Variants in MAVS observed in about 807,000 individuals in gnomAD.
The protein encoded by MAVS is mitochondrial antiviral-signaling protein.
In MAVS, 20 loss-of-function variants were observed where a neutral mutation model predicts 30.2. The ratio of observed to expected loss-of-function variants is 0.66; its 90% CI spans 0.47 to 0.96. The LOEUF is 0.96. MAVS is among the 40% of genes least tolerant of loss of function. The probability of loss-of-function intolerance (pLI) is 0.00; values close to 1 mark genes in which losing one functional copy is unlikely to be tolerated. For synonymous variants in MAVS, 278 were observed against 293.9 expected, an observed-to-expected ratio of 0.95 and a Z score of 0.55; for missense variants, 624 against 701.1, an observed-to-expected ratio of 0.89 and a Z score of 1.24.
Position 3,864,396 on chromosome 20 carries a change from TCCTCATCCCCTGGCTTGG to T in MAVS, c.771_788del (p.Ser258_Ser263del). On this transcript the variant is annotated inframe_deletion, in exon 6 of 7. Coordinates refer to ENST00000428216, the MANE Select transcript of MAVS (RefSeq NM_020746.5). ...TGTATCTACTGGCACCTCCTTCTCC[TCCTCATCCCCTGGCTTGG>T]CCTCTGCAGGGGCTGCAGAGGGTAA... 1 of 1,614,028 alleles carries T rather than the reference TCCTCATCCCCTGGCTTGG, an allele frequency of 6.2e-7. No homozygotes were observed. The highest frequency in any genetic ancestry group is 8.5e-7 in the Non-Finnish European group (1 of 1,179,996).
chr20:3,865,544 G>T lies in MAVS; in HGVS notation c.1159-139G>T. On this transcript the variant is annotated intron_variant, in intron 6 of 6. Transcript: ENST00000428216. The surrounding 1 kb of genome is among the most constrained non-coding windows in gnomAD (Gnocchi z 4.7). ...CTCTACCCCCACTGCTCCAAGAAAA[G>T]GTGGCCTAGGGGCATTATAGATTGG... 1.3e-6 allele frequency: 1 copy of T among 776,086 alleles called. No individual in the cohort carries two copies. The highest frequency in any genetic ancestry group is 2.0e-6 in the Non-Finnish European group (1 of 495,550). The allele number at this position is 776,086 out of a possible 1,614,324, so 48.1% of individuals were successfully genotyped here.
intron 2 of MAVS, 30 bp downstream of exon 2, chr20:3,854,771 G>T (rs1341488392): frequency 6.7e-7 from 1 of 1,500,788 alleles, no homozygotes; most frequent in Admixed American, 1.7e-5. Context: ...GCCCGACACT[G>T]GCCTGGGGGC....
chr20:3,865,859 C>G lies in MAVS; in HGVS notation c.1335C>G (p.Thr445=), dbSNP rs759447000. The stretch of plus-strand genomic sequence containing the variant: ...AGGATCTTGCCATCAGTGCCAGCAC[C>G]TCCTTGGGCATGGGGCCCTGCCATG... ...CFEDLAISAS[T]SLGMGPCHGP... Residue 445 remains threonine (T), a synonymous_variant, in exon 7 of 7, where the codon ACC becomes ACG. Transcript: ENST00000428216. This position sits in a 1 kb window ranked among gnomAD's most constrained non-coding sequence, Gnocchi z 4.7. The G allele has an allele frequency of 1.9e-6, 3 of 1,613,970 alleles. No homozygotes were observed. Among genetic ancestry groups the G allele is most frequent in the Non-Finnish European group, 8.5e-7 (1 of 1,180,048 alleles).
At position 3,875,780 on chromosome 20, in the gene MAVS, C is replaced by G. The variant is rs987948744; in HGVS notation, c.*9633C>G. 1.3e-5 allele frequency: 2 copies of G among 152,474 alleles called. No homozygotes were observed. Among genetic ancestry groups the G allele is most frequent in the Admixed American group, 1.3e-4 (2 of 15,272 alleles). The allele number at this position is 152,474 out of a possible 1,614,324, so 9.4% of individuals were successfully genotyped here. The stretch of plus-strand genomic sequence containing the variant: ...TGTCCTTGGCACAAGGCAGGCTAGG[C>G]TGCACCAGCTTCCTCCATCTCCGTC... On this transcript the variant is annotated 3_prime_UTR_variant, in exon 7 of 7. Transcript: ENST00000428216.
Position 3,875,722 on chromosome 20 carries a change from C to T in MAVS, c.*9575C>T, listed in dbSNP as rs1168257859. 1 of 152,334 alleles carries T rather than the reference C, an allele frequency of 6.6e-6. No homozygotes were observed. Among genetic ancestry groups the T allele is most frequent in the Non-Finnish European group, 1.5e-5 (1 of 68,066 alleles). 9.4% of individuals were successfully genotyped at this position (152,334 alleles called of 1,614,324 possible). A position where few individuals can be genotyped will look rare whatever the true frequency, so the allele number is the denominator to read the frequency against. ...GCTGGACCAGTTATGTCAAATCTGT[C>T]CTCCCCCAGAGCTCAGTCCCTCTGC... On this transcript the variant is annotated 3_prime_UTR_variant, in exon 7 of 7. Transcript: ENST00000428216.
chr20:3,850,832 G>A (rs1292156100), intron 1 of MAVS, among the ~76,000 whole-genome samples: 2 of 148,254 alleles, frequency 1.3e-5, no homozygotes, highest in African/African-American at 2.5e-5. Context: ...CTTGCAGTGA[G>A]CCGAGATTGC....
intron 1 of MAVS, among the ~76,000 whole-genome samples, 195 bp downstream of exon 1, chr20:3,847,098 G>T (rs2089715542): frequency 6.6e-6 from 1 of 152,196 alleles, no homozygotes; most frequent in African/African-American, 2.4e-5. Flanking sequence ...GAACACTGAG[G>T]GCTCCAGGCG....
chr20:3,851,895 C>T (rs2089762846), intron 1 of MAVS, among the ~76,000 whole-genome samples: 1 of 151,478 alleles, frequency 6.6e-6, no homozygotes, highest in Non-Finnish European at 1.5e-5. Flanking sequence ...GCAGAGGTTG[C>T]GATGAGCCGA....
Position 3,864,470 on chromosome 20 carries a change from TATC to T in MAVS, c.844_846del (p.Ile282del). 6.2e-7 allele frequency: 1 copy of T among 1,614,024 alleles called. No individual in the cohort carries two copies. The highest frequency in any genetic ancestry group is 1.3e-5 in the African/African-American group (1 of 75,014). On this transcript the variant is annotated inframe_deletion, in exon 6 of 7. Transcript: ENST00000428216. ...GTGCAGAGAGTGACCAGGCCGAGCCTATCATCTGCTCCAGTGGGGCAGAGGCAC... is the reference window on the plus strand; with the variant it reads ...GTGCAGAGAGTGACCAGGCCGAGCCTATCTGCTCCAGTGGGGCAGAGGCAC...
chr20:3,849,600 C>A (rs2089740575), intron 1 of MAVS, among the ~76,000 whole-genome samples: 1 of 152,166 alleles, frequency 6.6e-6, no homozygotes, highest in Non-Finnish European at 1.5e-5. Flanking sequence ...ATTTACCATG[C>A]TCTCTGCCTA....
In MAVS at chr20:3,866,377, C is replaced by T. The variant is rs2089909211; in HGVS notation, c.*230C>T. 1 of 555,476 alleles carries T rather than the reference C, an allele frequency of 1.8e-6. No individual in the cohort carries two copies. Among genetic ancestry groups the T allele is most frequent in the East Asian group, 3.0e-5 (1 of 33,892 alleles). 34.4% of individuals were successfully genotyped at this position (555,476 alleles called of 1,614,324 possible). The stretch of plus-strand genomic sequence containing the variant: ...GTCCCCGTCCTTGGCTTTCTGGGTC[C>T]TGGGCTGCCCCCAGTGCTCCAGACC... On this transcript the variant is annotated 3_prime_UTR_variant, in exon 7 of 7. Transcript: ENST00000428216.
intron 1 of MAVS, among the ~76,000 whole-genome samples, chr20:3,852,207 G>T (rs1031916461): frequency 6.6e-6 from 1 of 151,948 alleles, no homozygotes; most frequent in Non-Finnish European, 1.5e-5. Flanking sequence ...TGTTAGCCAG[G>T]ATGGTCTTGA....
chr20:3,853,277 T>G lies in MAVS; in HGVS notation c.-67-1281T>G, dbSNP rs570592396. On this transcript the variant is annotated intron_variant, in intron 1 of 6. Coordinates refer to ENST00000428216, the MANE Select transcript of MAVS (RefSeq NM_020746.5). ...CGAGGCGGGCGCATCACGAGGTCAGTAAATCGAGACCATCCTGGCTAACCC... is the reference window on the plus strand; with the variant it reads ...CGAGGCGGGCGCATCACGAGGTCAGGAAATCGAGACCATCCTGGCTAACCC... 7.1e-3 allele frequency among the ~76,000 whole-genome samples: 1,051 copies of G among 148,968 alleles called. 3 individuals carry two copies. The highest frequency in any genetic ancestry group is 9.1e-3 in the African/African-American group (372 of 40,692).
chr20:3,851,672 T>G (rs576712924), intron 1 of MAVS, among the ~76,000 whole-genome samples: 1 of 152,104 alleles, frequency 6.6e-6, no homozygotes, highest in South Asian at 2.1e-4. Flanking sequence ...AGAATGTATG[T>G]GGGCCGGGCA....
chr20:3,853,892 A>G (rs984576007), intron 1 of MAVS, among the ~76,000 whole-genome samples: 2 of 151,558 alleles, frequency 1.3e-5, no homozygotes, highest in Admixed American at 6.6e-5. Context: ...GGTTCAAGCA[A>G]TTCTCCTGCC....
In MAVS at chr20:3,865,029, C is replaced by G. The variant is rs1327968006; in HGVS notation, c.1158+241C>G. On this transcript the variant is annotated intron_variant, in intron 6 of 6. Coordinates refer to ENST00000428216, the MANE Select transcript of MAVS (RefSeq NM_020746.5). This position sits in a 1 kb window ranked among gnomAD's most constrained non-coding sequence, Gnocchi z 4.7. ...CTGGACACCTCAGGAGGGTCAGCCA[C>G]AGGGGGCACCCACTGGTCAGGTGTA... Among the ~76,000 whole-genome samples, 3 of 152,256 alleles carry G rather than the reference C, an allele frequency of 2.0e-5. No individual in the cohort carries two copies. Among genetic ancestry groups the G allele is most frequent in the Non-Finnish European group, 4.4e-5 (3 of 68,042 alleles).
Position 3,871,849 on chromosome 20 carries a change from ACT to A in MAVS, c.*5705_*5706del, listed in dbSNP as rs2089958035. 1 of 152,086 alleles carries A rather than the reference ACT, an allele frequency of 6.6e-6. No individual in the cohort carries two copies. Among genetic ancestry groups the A allele is most frequent in the Admixed American group, 6.6e-5 (1 of 15,238 alleles). 9.4% of individuals were successfully genotyped at this position (152,086 alleles called of 1,614,324 possible). A position where few individuals can be genotyped will look rare whatever the true frequency, so the allele number is the denominator to read the frequency against. On this transcript the variant is annotated 3_prime_UTR_variant, in exon 7 of 7. Transcript: ENST00000428216. The stretch of plus-strand genomic sequence containing the variant: ...GGCATGGTCACTCCTAGCATTCCTC[ACT>A]CTGTTGCTAACAGCAACAGCAATAA...
At chr20:3,856,123 C>CAGA (rs2089807903) in intron 2 of MAVS, among the ~76,000 whole-genome samples, 2 of 149,854 alleles carry the variant, frequency 1.3e-5, no homozygotes, top group African/African-American at 4.9e-5. Flanking sequence ...GGTGTGATCT[C>CAGA]GGCTCACTGC....
At chr20:3,858,561 A>G (rs1471182898) in intron 3 of MAVS, among the ~76,000 whole-genome samples, 1 of 151,286 alleles carries the variant, frequency 6.6e-6, no homozygotes, top group Admixed American at 6.6e-5. Context: ...GCTACTCAGG[A>G]GGCCGAGGCA....
Sources: allele counts gnomAD v4.1 joint callset (sites outside exome capture counted in the v4.1 genomes callset), GRCh38; gene constraint gnomAD v4.1.1; non-coding constraint Gnocchi (gnomAD v3.1); transcripts MANE v1.5; gene names NCBI Gene and HGNC (gene_info 2026-07-23, HGNC 2026-07-21).